Variants in SLC24A3 observed in about 807,000 individuals in gnomAD.
SLC24A3 encodes sodium/potassium/calcium exchanger 3.
SLC24A3 carries 28 observed loss-of-function variants against 75.8 expected under a neutral mutation model. The ratio of observed to expected loss-of-function variants is 0.37; its 90% CI spans 0.27 to 0.51. The LOEUF is 0.51. Ranked by LOEUF, SLC24A3 falls within the 20% of genes least tolerant of loss-of-function variation. The probability of loss-of-function intolerance (pLI) is 0.94; values close to 1 mark genes in which losing one functional copy is unlikely to be tolerated. For missense variants in SLC24A3, 663 were observed against 847.8 expected, an observed-to-expected ratio of 0.78 and a Z score of 2.71; for synonymous variants, 372 against 334.1, an observed-to-expected ratio of 1.11 and a Z score of -1.24.
intron 3 of SLC24A3, among the ~76,000 whole-genome samples, chr20:19,548,285 G>A (rs1364443655): frequency 6.6e-6 from 1 of 152,190 alleles, no homozygotes; most frequent in African/African-American, 2.4e-5. Flanking sequence ...GGCCTCCAAT[G>A]TAAGTTTTTC....
chr20:19,244,624 A>G (rs1020201826), intron 1 of SLC24A3, among the ~76,000 whole-genome samples: 7 of 152,190 alleles, frequency 4.6e-5, no homozygotes, highest in Admixed American at 3.9e-4. Flanking sequence ...AAGTTGAAAT[A>G]GGAATTCAGG....
At chr20:19,409,953 T>G (rs546222103) in intron 2 of SLC24A3, among the ~76,000 whole-genome samples, 1 of 152,170 alleles carries the variant, frequency 6.6e-6, no homozygotes, top group East Asian at 1.9e-4. Flanking sequence ...ATCTTTAATT[T>G]TTATGTTTAT....
intron 2 of SLC24A3, among the ~76,000 whole-genome samples, chr20:19,405,889 A>G (rs1568609810): frequency 6.6e-6 from 1 of 152,250 alleles, no homozygotes; most frequent in Non-Finnish European, 1.5e-5. Context: ...CAGTTTTAAC[A>G]CACGGATTTG....
chr20:19,253,204 G>A (rs913165975), intron 1 of SLC24A3, among the ~76,000 whole-genome samples: 6 of 152,186 alleles, frequency 3.9e-5, no homozygotes, highest in African/African-American at 1.4e-4. Context: ...TTCTCTAGGG[G>A]TTTGTTGGGA....
chr20:19,603,800 T>A (rs548848706), intron 6 of SLC24A3, among the ~76,000 whole-genome samples: 9 of 152,094 alleles, frequency 5.9e-5, no homozygotes, highest in Admixed American at 4.6e-4. Flanking sequence ...AGGCTGTGAG[T>A]TCCAGGGGTG....
chr20:19,328,688 G>A (rs532943971), intron 2 of SLC24A3, among the ~76,000 whole-genome samples: 1 of 152,262 alleles, frequency 6.6e-6, no homozygotes, highest in South Asian at 2.1e-4. Context: ...TGTTGGAAGT[G>A]CTCATTTTGA....
At chr20:19,589,906 A>G (rs1386728104) in intron 6 of SLC24A3, among the ~76,000 whole-genome samples, 2 of 152,118 alleles carry the variant, frequency 1.3e-5, no homozygotes, top group Non-Finnish European at 2.9e-5. Flanking sequence ...TTGAGCTCAC[A>G]TCAGTTGGTT....
At chr20:19,633,416 G>C (rs1001487759) in intron 6 of SLC24A3, among the ~76,000 whole-genome samples, 6 of 151,982 alleles carry the variant, frequency 3.9e-5, no homozygotes, top group Admixed American at 3.9e-4. Flanking sequence ...TTGGGAGGCC[G>C]AGGCGGGCGG....
chr20:19,349,867 G>A (rs1469904572), intron 2 of SLC24A3, among the ~76,000 whole-genome samples: 2 of 152,120 alleles, frequency 1.3e-5, no homozygotes, highest in Non-Finnish European at 1.5e-5. Context: ...ATCATCCTTT[G>A]ATTTGCTCTG....
intron 3 of SLC24A3, among the ~76,000 whole-genome samples, chr20:19,518,613 T>C (rs1254479736): frequency 6.6e-6 from 1 of 151,986 alleles, no homozygotes; most frequent in East Asian, 1.9e-4. Context: ...ACCAAAGGTG[T>C]TGGTGTTGGA....
chr20:19,677,854 C>A (rs1219357034), intron 9 of SLC24A3, among the ~76,000 whole-genome samples: 1 of 151,928 alleles, frequency 6.6e-6, no homozygotes, highest in Non-Finnish European at 1.5e-5. Flanking sequence ...GACCCTGAGG[C>A]CTTCCGCAGT....
chr20:19,392,605 C>A (rs1011728850), intron 2 of SLC24A3, among the ~76,000 whole-genome samples: 2 of 152,130 alleles, frequency 1.3e-5, no homozygotes, highest in African/African-American at 4.8e-5. Context: ...TGTGCCCTGG[C>A]TCCCATGGTA....
intron 12 of SLC24A3, among the ~76,000 whole-genome samples, chr20:19,688,374 C>A (rs2032704766): frequency 6.6e-6 from 1 of 152,224 alleles, no homozygotes; most frequent in South Asian, 2.1e-4. Flanking sequence ...AAAGAGTGGG[C>A]TCCCCCAGTT....
intron 2 of SLC24A3, among the ~76,000 whole-genome samples, chr20:19,448,133 A>G (rs1397991852): frequency 6.6e-6 from 1 of 152,220 alleles, no homozygotes; most frequent in Non-Finnish European, 1.5e-5. Flanking sequence ...GCCGGATCCA[A>G]GGTTTTCACT....
chr20:19,615,266 A>G (rs540550919), intron 6 of SLC24A3, among the ~76,000 whole-genome samples: 90 of 152,392 alleles, frequency 5.9e-4, no homozygotes, highest in African/African-American at 2.0e-3. Context: ...CTGGAAGCAG[A>G]CACGAAGACA....
intron 1 of SLC24A3, among the ~76,000 whole-genome samples, chr20:19,228,524 A>G (rs1210839396): frequency 6.6e-6 from 1 of 152,076 alleles, no homozygotes; most frequent in Non-Finnish European, 1.5e-5. Context: ...GGGCGCCTGT[A>G]GTCTCAGCTA....
At chr20:19,601,451 C>T (rs959182419) in intron 6 of SLC24A3, among the ~76,000 whole-genome samples, 6 of 152,232 alleles carry the variant, frequency 3.9e-5, no homozygotes, top group African/African-American at 1.4e-4. Flanking sequence ...AAAAGCAACG[C>T]ACCCACAACC....
At chr20:19,593,256 C>T (rs1052295014) in intron 6 of SLC24A3, among the ~76,000 whole-genome samples, 1 of 152,150 alleles carries the variant, frequency 6.6e-6, no homozygotes, top group African/African-American at 2.4e-5. Flanking sequence ...GGGCTCTTAG[C>T]AAGAATCTGC....
At chr20:19,367,789 C>T (rs1246773398) in intron 2 of SLC24A3, among the ~76,000 whole-genome samples, 1 of 152,150 alleles carries the variant, frequency 6.6e-6, no homozygotes, top group African/African-American at 2.4e-5. Flanking sequence ...TCTCAGATAG[C>T]CCTGGGCCCA....
Sources: gnomAD v4.1 joint callset for allele counts (sites outside exome capture counted in the v4.1 genomes callset) on GRCh38, gnomAD v4.1.1 for gene constraint, MANE v1.5 for transcripts, NCBI Gene and HGNC (gene_info 2026-07-23, HGNC 2026-07-21) for gene names.